RIC8B: variants seen among roughly 807,000 people sequenced by gnomAD.
RIC8B encodes chaperone Ric-8B.
In RIC8B, 16 loss-of-function variants were observed where a neutral mutation model predicts 57.5. The ratio of observed to expected loss-of-function variants is 0.28; its 90% CI spans 0.19 to 0.42. The LOEUF (loss-of-function observed/expected upper bound fraction) is 0.42. Ranked by LOEUF, RIC8B falls within the 10% of genes least tolerant of loss-of-function variation. RIC8B has a pLI of 1.00. For synonymous variants in RIC8B, 216 were observed against 250.8 expected, an observed-to-expected ratio of 0.86 and a Z score of 1.31; for missense variants, 481 against 677.0, an observed-to-expected ratio of 0.71 and a Z score of 3.21.
At chr12:106,855,094 C>A (rs545201871) in intron 7 of RIC8B, among the ~76,000 whole-genome samples, 27 of 152,322 alleles carry the variant, frequency 1.8e-4, no homozygotes, top group African/African-American at 9.6e-5. Context: ...GTTCCCCCCC[C>A]ACCTTTTATC....
At chr12:106,775,258 A>G in intron 1 of RIC8B, 2 of 435,110 alleles carry the variant, frequency 4.6e-6, no homozygotes, top group South Asian at 3.3e-5. Flanking sequence ...GGCAGTTTCT[A>G]TACGTTTAGC....
chr12:106,826,287 C>T (rs2046096605), intron 4 of RIC8B, among the ~76,000 whole-genome samples: 1 of 152,172 alleles, frequency 6.6e-6, no homozygotes, highest in African/African-American at 2.4e-5. Flanking sequence ...GATTATACAG[C>T]CCTAACAAGT....
intron 2 of RIC8B, among the ~76,000 whole-genome samples, chr12:106,805,284 C>G (rs2044955706): frequency 6.6e-6 from 1 of 152,200 alleles, no homozygotes; most frequent in Non-Finnish European, 1.5e-5. Flanking sequence ...CTTGCCTCCT[C>G]TTTCTTCTTC....
At chr12:106,823,341 G>A (rs1403213826) in intron 3 of RIC8B, 3 of 416,078 alleles carry the variant, frequency 7.2e-6, no homozygotes, top group African/African-American at 6.1e-5. Context: ...GATTTTGGTA[G>A]TTGTTTTGAG....
intron 4 of RIC8B, among the ~76,000 whole-genome samples, chr12:106,839,608 T>G (rs2046775595): frequency 6.6e-6 from 1 of 152,244 alleles, no homozygotes. Context: ...TCTGGAGATC[T>G]CCTGTGTAGC....
At chr12:106,793,034 A>G (rs769065609) in intron 2 of RIC8B, among the ~76,000 whole-genome samples, 1 of 151,970 alleles carries the variant, frequency 6.6e-6, no homozygotes, top group African/African-American at 2.4e-5. Context: ...TAAATTCTGG[A>G]TAAGTGTAGC....
chr12:106,779,016 T>C (rs1213185834), intron 1 of RIC8B, among the ~76,000 whole-genome samples: 1 of 151,398 alleles, frequency 6.6e-6, no homozygotes, highest in Non-Finnish European at 1.5e-5. Flanking sequence ...TGGGTTCGAA[T>C]GATTCTCCTG....
In RIC8B at chr12:106,842,682, G is replaced by A. The variant is rs770324953; in HGVS notation, c.930G>A (p.Thr310=). The change falls in exon 5 of 10, where the codon ACG becomes ACA. Residue 310 remains threonine (T), a synonymous_variant. Transcript: ENST00000392837. ...ATGAAGAAACAGCCCAAGAGGCAAC[G>A]ACTCTAGATGAACTGCCCAGTAATA... ...LTHEETAQEA[T]TLDELPSNKT... 57 of 1,613,838 alleles carry A rather than the reference G, an allele frequency of 3.5e-5. No individual in the cohort carries two copies. The Middle Eastern group carries it at 8.2e-4, about 23-fold the overall frequency.
Position 106,860,306 on chromosome 12 carries a change from G to T in RIC8B, c.1345G>T (p.Ala449Ser). 1 of 1,609,692 alleles carries T rather than the reference G, an allele frequency of 6.2e-7. No homozygotes were observed. The highest frequency in any genetic ancestry group is 1.1e-5 in the South Asian group (1 of 90,456). The stretch of plus-strand genomic sequence containing the variant: ...GAAATACACTGGCTATGGGAATGCT[G>T]CAGGACTGTTGGCGGCCAGGGGCCT... ...LLKYTGYGNA[A>S]GLLAARGLLA... The change falls in exon 8 of 10, where the codon GCA becomes TCA. Residue 449 changes from alanine to serine, a missense_variant. Physicochemically the swap from Ala to Ser is moderately conservative, Grantham distance 99. Coordinates refer to ENST00000392837, the MANE Select transcript of RIC8B (RefSeq NM_001330145.2).
intron 3 of RIC8B, among the ~76,000 whole-genome samples, chr12:106,823,932 C>T (rs544640536): frequency 5.3e-5 from 8 of 152,106 alleles, no homozygotes; most frequent in Non-Finnish European, 8.8e-5. Context: ...GTGATCCACC[C>T]GCCTCGGCCT....
At chr12:106,854,374 C>CT (rs1186220677) in intron 7 of RIC8B, among the ~76,000 whole-genome samples, 2 of 151,980 alleles carry the variant, frequency 1.3e-5, no homozygotes, top group African/African-American at 4.8e-5. Context: ...TCTGAACTGT[C>CT]TCTTAAGGAT....
chr12:106,798,367 T>C (rs1276908736), intron 2 of RIC8B, among the ~76,000 whole-genome samples: 1 of 152,286 alleles, frequency 6.6e-6, no homozygotes, highest in Admixed American at 6.5e-5. Flanking sequence ...ATAAAAAAAC[T>C]AGAGGTTGAC....
At chr12:106,779,412 A>G (rs1566024112) in intron 1 of RIC8B, among the ~76,000 whole-genome samples, 1 of 151,716 alleles carries the variant, frequency 6.6e-6, no homozygotes, top group Non-Finnish European at 1.5e-5. Flanking sequence ...TTGTATTTTT[A>G]GTGGAGACAG....
At chr12:106,872,690 A>AAC (rs1555264196) in intron 9 of RIC8B, among the ~76,000 whole-genome samples, 4 of 151,084 alleles carry the variant, frequency 2.6e-5, no homozygotes, top group African/African-American at 4.9e-5. Flanking sequence ...AAAAAAACAA[A>AAC]CCCGACAGAG....
chr12:106,837,386 C>T (rs1264546616), intron 4 of RIC8B, among the ~76,000 whole-genome samples: 1 of 151,924 alleles, frequency 6.6e-6, no homozygotes, highest in East Asian at 1.9e-4. Flanking sequence ...ATAACCCATA[C>T]ATACTAGTTT....
chr12:106,811,685 CTG>C lies in RIC8B; in HGVS notation c.133-3003_133-3002del, dbSNP rs542707942. On this transcript the variant is annotated intron_variant, in intron 2 of 9. Coordinates refer to ENST00000392837, the MANE Select transcript of RIC8B (RefSeq NM_001330145.2). ...CAATTTGGAACACCTGAAGAAGAAACTGTGTGTGTTTGCATTGTGTGTATCAG... is the reference window on the plus strand; with the variant it reads ...CAATTTGGAACACCTGAAGAAGAAACTGTGTGTTTGCATTGTGTGTATCAG... Among the ~76,000 whole-genome samples the C allele has an allele frequency of 3.9e-4, 59 of 152,218 alleles. No individual in the cohort carries two copies. In the South Asian group the frequency reaches 0.011, roughly 27 times the overall value.
Position 106,886,119 on chromosome 12 carries a change from A to G in RIC8B, c.*104A>G. ...ACATTTATGCCCTTGCTTTGGCTAG[A>G]AACACATTAACTGGTTTACTCATTG... is the stretch of plus-strand genomic sequence containing the variant. On this transcript the variant is annotated 3_prime_UTR_variant, in exon 10 of 10. Coordinates refer to ENST00000392837, the MANE Select transcript of RIC8B (RefSeq NM_001330145.2). 1.3e-6 allele frequency: 1 copy of G among 796,312 alleles called. No homozygotes were observed. The highest frequency in any genetic ancestry group is 2.2e-5 in the Admixed American group (1 of 45,146). The allele number at this position is 796,312 out of a possible 1,614,324, so 49.3% of individuals were successfully genotyped here.
intron 4 of RIC8B, among the ~76,000 whole-genome samples, chr12:106,833,023 G>A (rs1414901237): frequency 2.0e-5 from 3 of 151,700 alleles, no homozygotes; most frequent in Non-Finnish European, 4.4e-5. Flanking sequence ...ATCTTTTATC[G>A]GATCTTTGTC....
At chr12:106,871,177 A>G (rs1023485980) in intron 9 of RIC8B, 1 of 330,338 alleles carries the variant, frequency 3.0e-6, no homozygotes, top group African/African-American at 2.1e-5. Flanking sequence ...AGTAACTACC[A>G]GAGCACTGTA....
Sources: gnomAD v4.1 joint callset for allele counts (sites outside exome capture counted in the v4.1 genomes callset) on GRCh38, gnomAD v4.1.1 for gene constraint, MANE v1.5 for transcripts, NCBI Gene and HGNC (gene_info 2026-07-23, HGNC 2026-07-21) for gene names.